The following KPNA5 variants were observed in gnomAD, a reference collection of about 807,000 sequenced individuals.
The protein encoded by KPNA5 is importin subunit alpha-6.
A neutral mutation model predicts 71.3 loss-of-function variants in KPNA5; 46 were observed. The observed-to-expected ratio is 0.65, with a 90% CI of 0.51 to 0.83. The LOEUF (loss-of-function observed/expected upper bound fraction) is 0.83, where lower values mean the gene tolerates loss of function less well. KPNA5 is among the 40% of genes least tolerant of loss of function. KPNA5 has a pLI of 0.00. For missense variants in KPNA5, 547 were observed against 628.3 expected (o/e 0.87, Z 1.38); for synonymous variants, 207 against 201.4 (o/e 1.03, Z -0.24).
chr6:116,724,176 T>G, intron 9 of KPNA5, 121 bp from the exon 10 acceptor site: 1 of 596,826 alleles, frequency 1.7e-6, no homozygotes, highest in Non-Finnish European at 3.0e-6. Context: ...TCAGAATAAT[T>G]AGTAAAACTT....
chr6:116,718,952 A>G (rs1435887959), intron 8 of KPNA5, among the ~76,000 whole-genome samples: 1 of 151,974 alleles, frequency 6.6e-6, no homozygotes, highest in Non-Finnish European at 1.5e-5. Flanking sequence ...ATTTTATTAG[A>G]GACGGAGTTT....
chr6:116,722,011 T>A (rs1779123766), intron 8 of KPNA5, 115 bp from the exon 9 acceptor site: 10 of 667,346 alleles, frequency 1.5e-5, no homozygotes, highest in Admixed American at 1.4e-4. Context: ...AATATAAATT[T>A]TCTGGTATTT....
At chr6:116,701,180 G>A (rs974449277) in intron 5 of KPNA5, among the ~76,000 whole-genome samples, 2 of 151,898 alleles carry the variant, frequency 1.3e-5, no homozygotes, top group African/African-American at 2.4e-5. Flanking sequence ...TACATTTTTT[G>A]TTACTTATAA....
chr6:116,714,541 G>A (rs1778814523), intron 7 of KPNA5, among the ~76,000 whole-genome samples: 1 of 152,020 alleles, frequency 6.6e-6, no homozygotes, highest in Admixed American at 6.6e-5. Context: ...TTCTGATTGT[G>A]GACTCTGCCC....
chr6:116,706,923 G>A (rs1778463747), intron 7 of KPNA5, among the ~76,000 whole-genome samples: 1 of 152,036 alleles, frequency 6.6e-6, no homozygotes. Flanking sequence ...CAGCACTTTG[G>A]GGAGGCCGAG....
At chr6:116,717,870 C>G (rs1321874763) in intron 8 of KPNA5, among the ~76,000 whole-genome samples, 46 of 150,594 alleles carry the variant, frequency 3.1e-4, no homozygotes, top group Admixed American at 3.0e-3. Flanking sequence ...GCTTTCTTCC[C>G]TTTTCCAATA....
At chr6:116,701,049 A>G (rs1449735710) in intron 5 of KPNA5, among the ~76,000 whole-genome samples, 2 of 152,170 alleles carry the variant, frequency 1.3e-5, no homozygotes, top group Non-Finnish European at 2.9e-5. Flanking sequence ...TTATTTCATT[A>G]TCTACAATTG....
chr6:116,691,915 G>T, intron 2 of KPNA5, 140 bp from the exon 3 acceptor site: 1 of 673,424 alleles, frequency 1.5e-6, no homozygotes. Flanking sequence ...ATAATGATTG[G>T]GAAATACTCA....
Position 116,681,600 on chromosome 6 carries a change from G to T in KPNA5, c.4+262G>T, listed in dbSNP as rs987755430. On this transcript the variant is annotated intron_variant, in intron 1 of 13. Coordinates refer to ENST00000368564, the MANE Select transcript of KPNA5 (RefSeq NM_001366306.2). ...GGTCCTCTGGAGTGATGGGCAGCTGGTCTCATCTTCGCCGCCCCGCCTCAC... is the reference window on the plus strand; with the variant it reads ...GGTCCTCTGGAGTGATGGGCAGCTGTTCTCATCTTCGCCGCCCCGCCTCAC... The T allele has an allele frequency of 3.5e-6, 4 of 1,140,164 alleles. No homozygotes were observed. In the East Asian group the frequency reaches 1.1e-4, roughly 32 times the overall value. The allele number at this position is 1,140,164 out of a possible 1,614,324, so 70.6% of individuals were successfully genotyped here.
chr6:116,713,303 A>G (rs1017046098), intron 7 of KPNA5, among the ~76,000 whole-genome samples: 1 of 152,042 alleles, frequency 6.6e-6, no homozygotes, highest in African/African-American at 2.4e-5. Flanking sequence ...TGGGAATCTC[A>G]CTTTCTCCTT....
intron 13 of KPNA5, 103 bp downstream of exon 13, chr6:116,729,844 AT>A (rs1190892009): frequency 1.3e-5 from 9 of 691,140 alleles, no homozygotes; most frequent in Non-Finnish European, 2.0e-5. Context: ...AGCAGTATGT[AT>A]TTTTTTAAGT....
rs542642424 is a variant in KPNA5 at position 116,709,994 on chromosome 6, C to T, written c.656+4834C>T. 3.7e-4 allele frequency among the ~76,000 whole-genome samples: 57 copies of T among 152,158 alleles called. No individual in the cohort carries two copies. In the South Asian group the frequency reaches 5.2e-3, roughly 14 times the overall value. On this transcript the variant is annotated intron_variant, in intron 7 of 13. Coordinates refer to ENST00000368564, the MANE Select transcript of KPNA5 (RefSeq NM_001366306.2). Reference sequence around the variant, plus strand: ...CAGGATGGTCTCCATCTCCTAACCTCGTGATCCGCCCGCCTCGACCTCCCA... The same window carrying T: ...CAGGATGGTCTCCATCTCCTAACCTTGTGATCCGCCCGCCTCGACCTCCCA...
chr6:116,682,553 C>G (rs576984316), intron 1 of KPNA5, among the ~76,000 whole-genome samples: 2 of 152,206 alleles, frequency 1.3e-5, no homozygotes, highest in South Asian at 4.1e-4. Context: ...TGGCACTTCC[C>G]CCGCTTTGTG....
rs773212389 is a variant in KPNA5, at chr6:116,722,181, T to A, written c.812T>A (p.Val271Glu). Reference protein sequence around the residue: ...SRLLFSSDPDVLADVCWALSY... With the variant: ...SRLLFSSDPDELADVCWALSY... The stretch of plus-strand genomic sequence containing the variant: ...CTGTTGTTTAGCAGTGACCCAGATG[T>A]GTTAGCAGACGTGTGTTGGGCCCTT... The change falls in exon 9 of 14, where the codon GTG becomes GAG. Residue 271 changes from valine to glutamate, a missense_variant. Val to Glu is a moderately radical substitution (Grantham distance 121). Transcript: ENST00000368564. 6.2e-7 allele frequency: 1 copy of A among 1,612,978 alleles called. No individual in the cohort carries two copies. The highest frequency in any genetic ancestry group is 1.1e-5 in the South Asian group (1 of 90,900).
At chr6:116,692,816 T>C (rs1423610354) in intron 4 of KPNA5, among the ~76,000 whole-genome samples, 1 of 152,210 alleles carries the variant, frequency 6.6e-6, no homozygotes, top group Admixed American at 6.5e-5. Context: ...ACGTGTGCCA[T>C]GTTGGTGTGC....
At chr6:116,692,235 CAAAATTATTCATGT>C in intron 3 of KPNA5, 44 bp from the exon 4 acceptor site, 1 of 1,418,992 alleles carries the variant, frequency 7.0e-7, no homozygotes. Context: ...TTTATGCATG[CAAAATTATTCATGT>C]AAAATATGTA....
At chr6:116,712,536 A>G (rs552917729) in intron 7 of KPNA5, among the ~76,000 whole-genome samples, 2 of 152,314 alleles carry the variant, frequency 1.3e-5, no homozygotes, top group African/African-American at 2.4e-5. Context: ...TTTGTTTAAT[A>G]TATTCTGCCA....
rs1175163446 is a variant in KPNA5, at chr6:116,739,295, C to T, written c.*6972C>T. On this transcript the variant is annotated 3_prime_UTR_variant, in exon 14 of 14. Coordinates refer to ENST00000368564, the MANE Select transcript of KPNA5 (RefSeq NM_001366306.2). ...ACTTAGGAATCCAACTTACAAGGGA[C>T]GTGAAGGACCTCTTCAAGGAGAACT... 2.0e-4 allele frequency: 31 copies of T among 152,000 alleles called. No individual in the cohort carries two copies. The highest frequency in any genetic ancestry group is 3.4e-3 in the Middle Eastern group (1 of 294). 9.4% of individuals were successfully genotyped at this position (152,000 alleles called of 1,614,324 possible).
At chr6:116,713,522 G>A (rs191076551) in intron 7 of KPNA5, among the ~76,000 whole-genome samples, 4 of 152,244 alleles carry the variant, frequency 2.6e-5, no homozygotes, top group Admixed American at 2.6e-4. Context: ...GTCTTGGTAT[G>A]TGTCTTTTTG....
Sources: allele counts gnomAD v4.1 joint callset (sites outside exome capture counted in the v4.1 genomes callset), GRCh38; gene constraint gnomAD v4.1.1; transcripts MANE v1.5; gene names NCBI Gene and HGNC (gene_info 2026-07-23, HGNC 2026-07-21).